Variants in PLCL1 observed in about 807,000 individuals in gnomAD.
The protein encoded by PLCL1 is inactive phospholipase C-like protein 1.
In PLCL1, 41 loss-of-function variants were observed where a neutral mutation model predicts 84.4. The ratio of observed to expected loss-of-function variants is 0.49; its 90% confidence interval spans 0.38 to 0.63. The LOEUF (loss-of-function observed/expected upper bound fraction) is 0.63. Among genes scored for constraint, PLCL1 ranks in the 30% least tolerant of loss-of-function variants. The pLI, the probability that PLCL1 is intolerant of heterozygous loss-of-function variation, is 0.00. For missense variants in PLCL1, 1,206 were observed against 1,367.8 expected (o/e 0.88, Z 1.87); for synonymous variants, 490 against 488.3 (o/e 1.00, Z -0.05).
chr2:198,064,358 C>T lies in PLCL1; in HGVS notation c.241-19400C>T, dbSNP rs367686745. On this transcript the variant is annotated intron_variant, in intron 1 of 5. Coordinates refer to ENST00000428675, the MANE Select transcript of PLCL1 (RefSeq NM_006226.4). ...ATTCATCAGATTGAGCTCCTTAATT[C>T]GGGAATTTAACAGAGGTTAGTTTGC... Among the ~76,000 whole-genome samples the T allele has an allele frequency of 3.7e-4, 56 of 149,466 alleles. No homozygotes were observed. The South Asian group carries it at 0.011, about 30-fold the overall frequency.
In PLCL1 at chr2:197,878,815, T is replaced by G. The variant is rs114072516; in HGVS notation, c.240+73476T>G. Among the ~76,000 whole-genome samples, 1,165 of 152,198 alleles carry G rather than the reference T, an allele frequency of 7.7e-3. 16 individuals carry two copies. The highest frequency in any genetic ancestry group is 0.027 in the African/African-American group (1,118 of 41,522). On this transcript the variant is annotated intron_variant, in intron 1 of 5. Coordinates refer to ENST00000428675, the MANE Select transcript of PLCL1 (RefSeq NM_006226.4). ...GTTGGGGGAGGGAGAGTCAAGGAAA[T>G]ATTTTACTCTGTTCTTTTTCCATAG...
At chr2:198,026,225 T>C (rs1691261362) in intron 1 of PLCL1, among the ~76,000 whole-genome samples, 1 of 152,188 alleles carries the variant, frequency 6.6e-6, no homozygotes, top group South Asian at 2.1e-4. Flanking sequence ...TGAAAAGAAC[T>C]AAGTTTATTT....
At chr2:198,003,781 A>G (rs1333908480) in intron 1 of PLCL1, among the ~76,000 whole-genome samples, 1 of 152,204 alleles carries the variant, frequency 6.6e-6, no homozygotes, top group Non-Finnish European at 1.5e-5. Flanking sequence ...ACAGACCTAT[A>G]CAAATATTTT....
chr2:198,052,113 T>G (rs1691947938), intron 1 of PLCL1, among the ~76,000 whole-genome samples: 1 of 152,220 alleles, frequency 6.6e-6, no homozygotes, highest in Non-Finnish European at 1.5e-5. Flanking sequence ...GGTTTCTCCA[T>G]GTTGGCCAGG....
At chr2:198,000,780 A>G (rs774197994) in intron 1 of PLCL1, among the ~76,000 whole-genome samples, 30 of 151,524 alleles carry the variant, frequency 2.0e-4, no homozygotes, top group Non-Finnish European at 2.1e-4. Context: ...GAAAGGAACT[A>G]TTCAAACTTT....
At chr2:197,948,145 G>T (rs543348113) in intron 1 of PLCL1, among the ~76,000 whole-genome samples, 7 of 152,266 alleles carry the variant, frequency 4.6e-5, no homozygotes, top group Admixed American at 1.3e-4. Flanking sequence ...GATTTTGGGG[G>T]TAGAACAGAA....
intron 1 of PLCL1, among the ~76,000 whole-genome samples, chr2:197,899,615 C>G (rs1269754427): frequency 6.6e-6 from 1 of 150,866 alleles, no homozygotes; most frequent in East Asian, 1.9e-4. Flanking sequence ...TGCCTCAGGG[C>G]CTTGGCACAT....
chr2:197,921,997 TTC>T (rs1472368566), intron 1 of PLCL1, among the ~76,000 whole-genome samples: 1 of 116,268 alleles, frequency 8.6e-6, no homozygotes, highest in African/African-American at 2.9e-5. Context: ...GATTGATAAA[TTC>T]TTTTTTTTTT....
intron 1 of PLCL1, among the ~76,000 whole-genome samples, chr2:197,849,013 A>AATTCACTT (rs1687171568): frequency 6.6e-6 from 1 of 152,178 alleles, no homozygotes; most frequent in Non-Finnish European, 1.5e-5. Context: ...GTGCTAAGTG[A>AATTCACTT]ATTGACAATG....
At chr2:197,977,787 A>G (rs1034039529) in intron 1 of PLCL1, among the ~76,000 whole-genome samples, 1 of 152,184 alleles carries the variant, frequency 6.6e-6, no homozygotes, top group Non-Finnish European at 1.5e-5. Context: ...GCCCTGGACT[A>G]CATTCTCAGT....
At chr2:197,872,008 G>T (rs1295822720) in intron 1 of PLCL1, among the ~76,000 whole-genome samples, 1 of 152,140 alleles carries the variant, frequency 6.6e-6, no homozygotes, top group Non-Finnish European at 1.5e-5. Context: ...TGGCTAGTTT[G>T]TTCAGCTGTG....
At chr2:197,806,681 A>C (rs1486786830) in intron 1 of PLCL1, among the ~76,000 whole-genome samples, 2 of 152,236 alleles carry the variant, frequency 1.3e-5, no homozygotes, top group African/African-American at 2.4e-5. Flanking sequence ...TTTTTAACCC[A>C]CAGGTCAGAA....
intron 1 of PLCL1, among the ~76,000 whole-genome samples, chr2:197,909,157 C>T (rs1398085478): frequency 1.1e-4 from 17 of 152,124 alleles, no homozygotes; most frequent in Admixed American, 9.2e-4. Context: ...GTTTTGAGCT[C>T]GGAATTTGTT....
intron 1 of PLCL1, among the ~76,000 whole-genome samples, chr2:197,904,401 C>T (rs553844345): frequency 1.3e-5 from 2 of 152,168 alleles, no homozygotes; most frequent in Admixed American, 6.5e-5. Flanking sequence ...AAAGTCGTTC[C>T]CTTAGATGGT....
At chr2:198,022,461 A>T (rs1232504945) in intron 1 of PLCL1, among the ~76,000 whole-genome samples, 1 of 152,010 alleles carries the variant, frequency 6.6e-6, no homozygotes, top group Non-Finnish European at 1.5e-5. Flanking sequence ...AAGTCAAATT[A>T]TCTGTTTGCA....
intron 3 of PLCL1, among the ~76,000 whole-genome samples, chr2:198,090,861 A>G (rs1693010437): frequency 2.0e-5 from 3 of 152,296 alleles, no homozygotes; most frequent in South Asian, 2.1e-4. Flanking sequence ...AAGCAGAAGG[A>G]TACCTGGTCT....
intron 1 of PLCL1, among the ~76,000 whole-genome samples, chr2:197,996,742 C>T (rs1690475924): frequency 6.6e-6 from 1 of 152,140 alleles, no homozygotes; most frequent in Non-Finnish European, 1.5e-5. Flanking sequence ...ACTCCCCTCA[C>T]AGAGAAATAA....
At chr2:198,004,808 C>T (rs1392621571) in intron 1 of PLCL1, among the ~76,000 whole-genome samples, 1 of 152,146 alleles carries the variant, frequency 6.6e-6, no homozygotes, top group Non-Finnish European at 1.5e-5. Flanking sequence ...GGATAAACGC[C>T]TCCTGCATCT....
At chr2:197,819,080 A>T (rs1368358645) in intron 1 of PLCL1, among the ~76,000 whole-genome samples, 1 of 152,130 alleles carries the variant, frequency 6.6e-6, no homozygotes, top group Non-Finnish European at 1.5e-5. Flanking sequence ...TCACAGAGAG[A>T]ACCAGTGGTC....
Sources: gnomAD v4.1 joint callset for allele counts (sites outside exome capture counted in the v4.1 genomes callset) on GRCh38, gnomAD v4.1.1 for gene constraint, MANE v1.5 for transcripts, NCBI Gene and HGNC (gene_info 2026-07-23, HGNC 2026-07-21) for gene names.